ABCC8: variants seen among roughly 807,000 people sequenced by gnomAD.
The protein encoded by ABCC8 is ATP binding cassette subfamily C member 8, also known as ATP-binding cassette sub-family C member 8.
In ABCC8, 137 loss-of-function variants were observed where a neutral mutation model predicts 188.0. The ratio of observed to expected loss-of-function variants is 0.73; its 90% CI spans 0.63 to 0.84. The LOEUF is 0.84. Among genes scored for constraint, ABCC8 ranks in the 40% least tolerant of loss-of-function variants. The pLI, the probability that ABCC8 is intolerant of heterozygous loss-of-function variation, is 0.00. For synonymous variants in ABCC8, 797 were observed against 846.5 expected, an observed-to-expected ratio of 0.94 and a Z score of 1.01; for missense variants, 1,750 against 2,072.7, an observed-to-expected ratio of 0.84 and a Z score of 3.02.
intron 4 of ABCC8, among the ~76,000 whole-genome samples, chr11:17,463,120 C>A (rs1235327403): frequency 1.3e-5 from 2 of 152,100 alleles, no homozygotes; most frequent in African/African-American, 4.8e-5. Flanking sequence ...AAGTCCCCCA[C>A]CCCCGAAGAA....
intron 8 of ABCC8, among the ~76,000 whole-genome samples, chr11:17,447,567 A>G (rs990307252): frequency 1.3e-5 from 2 of 152,112 alleles, no homozygotes; most frequent in African/African-American, 2.4e-5. Flanking sequence ...CTGGGACTAA[A>G]GGGGCGCACC....
chr11:17,397,687 T>C lies in ABCC8; in HGVS notation c.3864A>G (p.Leu1288=). 1 of 1,612,250 alleles carries C rather than the reference T, an allele frequency of 6.2e-7. No homozygotes were observed. ...GLVGLGLTYA[L]MVSNYLNWMV... ...GCCCTAGCCCACTGCCGCTCACCAT[T>C]AGGGCGTAGGTAAGGCCCAGGCCCA... Residue 1288 remains leucine (L), a synonymous_variant, in exon 31 of 39, where the codon CTA becomes CTG. Coordinates refer to ENST00000389817, the MANE Select transcript of ABCC8 (RefSeq NM_000352.6).
At chr11:17,450,324 T>TCTC (rs1956744775) in intron 7 of ABCC8, among the ~76,000 whole-genome samples, 59 of 75,686 alleles carry the variant, frequency 7.8e-4, no homozygotes, top group African/African-American at 3.1e-3. Context: ...CTTTCTTTCT[T>TCTC]TCTCTCTCTC....
chr11:17,395,388 G>A (rs1179063571), intron 35 of ABCC8, 113 bp from the exon 36 acceptor site: 1 of 1,535,772 alleles, frequency 6.5e-7, no homozygotes, highest in African/African-American at 1.4e-5. Flanking sequence ...CTGGCTGGGA[G>A]AAGCACCGAG....
chr11:17,412,762 A>T lies in ABCC8; in HGVS notation c.2476-16T>A. The stretch of plus-strand genomic sequence containing the variant: ...GGTTGATGCCCTGTCACCAAAGAGG[A>T]GGAACACATCATGCCCTCAGCCATT... On this transcript the variant is annotated splice_polypyrimidine_tract_variant and intron_variant, in intron 20 of 38. Transcript: ENST00000389817. 2 of 1,602,582 alleles carry T rather than the reference A, an allele frequency of 1.2e-6. No homozygotes were observed. The highest frequency in any genetic ancestry group is 1.7e-6 in the Non-Finnish European group (2 of 1,174,528).
chr11:17,405,678 G>A (rs1954482024), intron 26 of ABCC8, 115 bp from the exon 27 acceptor site: 8 of 1,563,404 alleles, frequency 5.1e-6, no homozygotes, highest in African/African-American at 1.4e-5. Flanking sequence ...CATGGGTCTG[G>A]CATCCTCTGC....
At chr11:17,443,397 C>T (rs749299809) in intron 8 of ABCC8, 85 bp from the exon 9 acceptor site, 2 of 1,606,580 alleles carry the variant, frequency 1.2e-6, no homozygotes, top group African/African-American at 2.7e-5. Flanking sequence ...TTTCCCCAGT[C>T]CCCTAGAGTG....
chr11:17,425,098 G>A (rs1259752658), intron 16 of ABCC8, among the ~76,000 whole-genome samples: 1 of 152,216 alleles, frequency 6.6e-6, no homozygotes, highest in Non-Finnish European at 1.5e-5. Context: ...AGGCTGGAGA[G>A]GCAGTCGGAA....
intron 6 of ABCC8, among the ~76,000 whole-genome samples, chr11:17,455,908 C>T (rs927355484): frequency 4.8e-5 from 7 of 144,684 alleles, no homozygotes; most frequent in Non-Finnish European, 7.5e-5. Context: ...CAGTGCACTC[C>T]AGCCTGGGAG....
chr11:17,442,996 G>C (rs1201751486), intron 9 of ABCC8, 114 bp from the exon 10 acceptor site: 1 of 1,571,960 alleles, frequency 6.4e-7, no homozygotes, highest in Non-Finnish European at 8.7e-7. Context: ...CTCACCGGGA[G>C]GCAGCCTCCT....
At chr11:17,393,847 G>A (rs1015849385) in intron 37 of ABCC8, 88 bp from the exon 38 acceptor site, 3 of 1,613,176 alleles carry the variant, frequency 1.9e-6, no homozygotes, top group Middle Eastern at 1.7e-4. Context: ...CAGGTCTGTG[G>A]CTCAGCTCCC....
chr11:17,443,486 A>C, intron 8 of ABCC8, 174 bp from the exon 9 acceptor site: 2 of 1,046,598 alleles, frequency 1.9e-6, no homozygotes, highest in Non-Finnish European at 2.8e-6. Flanking sequence ...AAGCAATTTC[A>C]AAAGGAGGTT....
chr11:17,414,300 C>T (rs1035424375), intron 19 of ABCC8, among the ~76,000 whole-genome samples: 1 of 152,184 alleles, frequency 6.6e-6, no homozygotes, highest in African/African-American at 2.4e-5. Flanking sequence ...TCCATTCCTG[C>T]CCTCTCCCCT....
rs202189540 is a variant in ABCC8, at chr11:17,413,447, G to T, written c.2422C>A (p.Gln808Lys). 103 of 1,614,148 alleles carry T rather than the reference G, an allele frequency of 6.4e-5. No individual in the cohort carries two copies. The highest frequency in any genetic ancestry group is 3.3e-4 in the Middle Eastern group (2 of 6,018). ...YKMVIEACSL[Q>K]PDIDILPHGD... ...TGGGGCAGGATGTCGATGTCTGGCT[G>T]CAGAGAGCAGGCTTCAATGACCATC... Residue 808 changes from glutamine (Q) to lysine (K), a missense_variant, in exon 20 of 39, where the codon CAG (glutamine) becomes AAG (lysine). By Grantham distance (53) the Gln-to-Lys change is moderately conservative. Transcript: ENST00000389817.
chr11:17,397,046 G>T lies in ABCC8; in HGVS notation c.3989C>A (p.Ala1330Glu), dbSNP rs758544102. ...TEAESYEGLLAPSLIPKNWPD... is the reference protein window; with the variant it reads ...TEAESYEGLLEPSLIPKNWPD... ...CCAGTTCTTTGGGATCAGCGATGGTGCTGGGGGCCGGGCTGGGCTCAGCCA... is the reference window on the plus strand; with the variant it reads ...CCAGTTCTTTGGGATCAGCGATGGTTCTGGGGGCCGGGCTGGGCTCAGCCA... The change falls in exon 33 of 39, where the codon GCA becomes GAA. Residue 1330 changes from alanine to glutamate, a missense_variant and splice_region_variant. Ala to Glu is a moderately radical substitution (Grantham distance 107). Coordinates refer to ENST00000389817, the MANE Select transcript of ABCC8 (RefSeq NM_000352.6). 1 of 1,614,190 alleles carries T rather than the reference G, an allele frequency of 6.2e-7. No individual in the cohort carries two copies. Among genetic ancestry groups the T allele is most frequent in the Non-Finnish European group, 8.5e-7 (1 of 1,180,002 alleles).
At chr11:17,395,988 C>T in intron 33 of ABCC8, 58 bp from the exon 34 acceptor site, 1 of 1,550,450 alleles carries the variant, frequency 6.4e-7, no homozygotes, top group Non-Finnish European at 8.7e-7. Flanking sequence ...GGAATAGCCT[C>T]TATGCTAGCT....
At chr11:17,432,552 G>T (rs1233346288) in intron 10 of ABCC8, among the ~76,000 whole-genome samples, 2 of 152,236 alleles carry the variant, frequency 1.3e-5, no homozygotes. Flanking sequence ...TTGGCTGGCT[G>T]TGGCCAACTG....
intron 7 of ABCC8, among the ~76,000 whole-genome samples, chr11:17,450,329 T>TTC (rs1956747382): frequency 6.9e-6 from 1 of 144,360 alleles, no homozygotes; most frequent in African/African-American, 2.6e-5. Flanking sequence ...TTTCTTTCTC[T>TTC]CTCTCTCTTT....
At position 17,439,469 on chromosome 11, in the gene ABCC8, C is replaced by T. The variant is rs1386053484; in HGVS notation, c.1630+3251G>A. ...CAGAACAAGAGATGCCCCATTACCT[C>T]ACGCCTAATGACCTGTGTCTTGATC... is the stretch of plus-strand genomic sequence containing the variant. On this transcript the variant is annotated intron_variant, in intron 10 of 38. Transcript: ENST00000389817. Among the ~76,000 whole-genome samples, 4 of 152,138 alleles carry T rather than the reference C, an allele frequency of 2.6e-5. No homozygotes were observed. In the East Asian group the frequency reaches 7.7e-4, roughly 29 times the overall value.
Sources: gnomAD v4.1 joint callset for allele counts (sites outside exome capture counted in the v4.1 genomes callset) on GRCh38, gnomAD v4.1.1 for gene constraint, MANE v1.5 for transcripts, NCBI Gene and HGNC (gene_info 2026-07-23, HGNC 2026-07-21) for gene names.